Variants in SNX29 observed in about 807,000 individuals in gnomAD.
The protein encoded by SNX29 is sorting nexin 29, also known as sorting nexin-29.
In SNX29, 78 loss-of-function variants were observed where a neutral mutation model predicts 102.1. The ratio of observed to expected loss-of-function variants is 0.76; its 90% confidence interval spans 0.64 to 0.92. SNX29 has a LOEUF of 0.92. Ranked by LOEUF, SNX29 falls within the 40% of genes least tolerant of loss-of-function variation. SNX29 has a pLI of 0.00. For synonymous variants in SNX29, 580 were observed against 414.5 expected, an observed-to-expected ratio of 1.40 and a Z score of -4.85; for missense variants, 1,280 against 1,061.7, an observed-to-expected ratio of 1.21 and a Z score of -2.86.
chr16:12,544,273 T>C (rs1036123590), intron 20 of SNX29, among the ~76,000 whole-genome samples: 1 of 152,176 alleles, frequency 6.6e-6, no homozygotes, highest in Admixed American at 6.5e-5. Flanking sequence ...CTCAGGACTT[T>C]ACACTCTCAG....
intron 20 of SNX29, among the ~76,000 whole-genome samples, chr16:12,533,995 C>G (rs998731425): frequency 6.6e-6 from 1 of 152,206 alleles, no homozygotes; most frequent in Non-Finnish European, 1.5e-5. Context: ...TCCACTGTAC[C>G]TTAAAAGCCT....
chr16:12,329,684 A>T (rs1306847582), intron 15 of SNX29, among the ~76,000 whole-genome samples: 2 of 152,212 alleles, frequency 1.3e-5, no homozygotes, highest in Non-Finnish European at 2.9e-5. Context: ...TTTTTCTGCT[A>T]TGCGTTGGCT....
At chr16:12,075,763 C>G (rs930855148) in intron 10 of SNX29, among the ~76,000 whole-genome samples, 1 of 152,202 alleles carries the variant, frequency 6.6e-6, no homozygotes, top group African/African-American at 2.4e-5. Context: ...TGCCCTGCCC[C>G]CAGAGGTGGA....
chr16:12,148,032 T>G (rs570937145), intron 13 of SNX29, among the ~76,000 whole-genome samples: 1 of 152,314 alleles, frequency 6.6e-6, no homozygotes, highest in East Asian at 1.9e-4. Context: ...TTCGTACTGG[T>G]GCCAAACATA....
chr16:12,416,323 G>T (rs1189389125), intron 18 of SNX29, among the ~76,000 whole-genome samples: 1 of 152,154 alleles, frequency 6.6e-6, no homozygotes, highest in African/African-American at 2.4e-5. Flanking sequence ...CAGAGTCACA[G>T]TTAGACAGGA....
At chr16:12,249,153 G>C (rs7197752) in intron 14 of SNX29, among the ~76,000 whole-genome samples, 2,632 of 152,276 alleles carry the variant, frequency 0.017, 95 homozygotes, top group African/African-American at 0.06. Context: ...AGGCAGCTGT[G>C]ATGGGGACAG....
At chr16:12,018,420 T>TAA (rs376957836) in intron 3 of SNX29, among the ~76,000 whole-genome samples, 21 of 141,484 alleles carry the variant, frequency 1.5e-4, no homozygotes, top group African/African-American at 2.3e-4. Context: ...TACTAAAAAT[T>TAA]AAAAAAAAAA....
chr16:12,353,100 G>A (rs906379694), intron 15 of SNX29, among the ~76,000 whole-genome samples: 1 of 152,112 alleles, frequency 6.6e-6, no homozygotes, highest in African/African-American at 2.4e-5. Context: ...TCTTCTCTCC[G>A]AGTCACTCTA....
intron 18 of SNX29, among the ~76,000 whole-genome samples, chr16:12,434,000 C>A (rs1344203519): frequency 6.6e-6 from 1 of 152,176 alleles, no homozygotes; most frequent in Non-Finnish European, 1.5e-5. Context: ...TTTTGAGGTC[C>A]TCACATGGGG....
intron 20 of SNX29, among the ~76,000 whole-genome samples, chr16:12,532,312 C>T (rs1161624657): frequency 6.6e-6 from 1 of 152,230 alleles, no homozygotes; most frequent in Non-Finnish European, 1.5e-5. Flanking sequence ...ACACCAGACT[C>T]TGTAGCGTCA....
At chr16:11,998,173 C>T (rs956425346) in intron 1 of SNX29, among the ~76,000 whole-genome samples, 2 of 152,174 alleles carry the variant, frequency 1.3e-5, no homozygotes, top group African/African-American at 2.4e-5. Context: ...ACAGAAGCAG[C>T]CTGATGGCAA....
intron 16 of SNX29, among the ~76,000 whole-genome samples, chr16:12,365,358 G>GTGTA (rs1555520377): frequency 0.011 from 1,640 of 150,472 alleles, 29 homozygotes; most frequent in African/African-American, 0.038. Context: ...GTGTGTGTGT[G>GTGTA]TGTGTGTTTA....
At chr16:12,396,025 A>G (rs1170906421) in intron 16 of SNX29, among the ~76,000 whole-genome samples, 1 of 152,202 alleles carries the variant, frequency 6.6e-6, no homozygotes. Context: ...CCTGGTACTC[A>G]TGTAGACACA....
At chr16:12,544,027 G>A (rs150708936) in intron 20 of SNX29, among the ~76,000 whole-genome samples, 90 of 152,340 alleles carry the variant, frequency 5.9e-4, no homozygotes, top group African/African-American at 1.6e-3. Flanking sequence ...TCTAGACCCC[G>A]TTGACTCATC....
intron 1 of SNX29, among the ~76,000 whole-genome samples, chr16:11,997,483 T>G (rs904797334): frequency 1.1e-4 from 17 of 151,012 alleles, no homozygotes; most frequent in African/African-American, 4.1e-4. Context: ...ATTTATACTT[T>G]TTTTTTTTTT....
intron 20 of SNX29, among the ~76,000 whole-genome samples, chr16:12,532,838 G>A (rs2076968519): frequency 6.6e-6 from 1 of 152,222 alleles, no homozygotes; most frequent in Non-Finnish European, 1.5e-5. Context: ...AGCGAGGGGA[G>A]CCAGTGTCTC....
chr16:12,138,752 TAGA>T (rs1165445215), intron 13 of SNX29, among the ~76,000 whole-genome samples: 3 of 152,206 alleles, frequency 2.0e-5, no homozygotes, highest in Admixed American at 1.3e-4. Flanking sequence ...GTTCTTTCAC[TAGA>T]AGAAGAGTTG....
rs112290588 is a variant in SNX29, at chr16:12,212,245, T to C, written c.1678+12562T>C. 8.7e-3 allele frequency among the ~76,000 whole-genome samples: 1,329 copies of C among 152,172 alleles called. 16 individuals carry two copies. The highest frequency in any genetic ancestry group is 0.03 in the African/African-American group (1,242 of 41,522). ...TTTCCCCCCGGAGACTGAAAACTGA[T>C]TGTGTGCCATGAGTCACATGGGGAG... On this transcript the variant is annotated intron_variant, in intron 14 of 20. Transcript: ENST00000566228.
intron 19 of SNX29, among the ~76,000 whole-genome samples, chr16:12,502,956 A>T (rs2089196050): frequency 6.6e-6 from 1 of 152,228 alleles, no homozygotes; most frequent in Non-Finnish European, 1.5e-5. Context: ...ACGTTGCTGC[A>T]TGGCAGTTCT....
Sources: allele counts gnomAD v4.1 joint callset (sites outside exome capture counted in the v4.1 genomes callset), GRCh38; gene constraint gnomAD v4.1.1; transcripts MANE v1.5; gene names NCBI Gene and HGNC (gene_info 2026-07-23, HGNC 2026-07-21).